The following TENM2 variants were observed in gnomAD, a reference collection of about 807,000 sequenced individuals.
TENM2 encodes teneurin transmembrane protein 2.
Under a neutral mutation model 245.2 loss-of-function variants are expected in TENM2, and 52 were observed. The ratio of observed to expected loss-of-function variants is 0.21; its 90% CI spans 0.17 to 0.27. The LOEUF is 0.27. Ranked by LOEUF, TENM2 falls within the 10% of genes least tolerant of loss-of-function variation. The pLI is 1.00. For synonymous variants in TENM2, 1,363 were observed against 1,438.9 expected, an observed-to-expected ratio of 0.95 and a Z score of 1.19; for missense variants, 3,046 against 3,666.8, an observed-to-expected ratio of 0.83 and a Z score of 4.37.
chr5:167,814,123 C>G (rs1323155314), intron 2 of TENM2, among the ~76,000 whole-genome samples: 1 of 152,130 alleles, frequency 6.6e-6, no homozygotes, highest in African/African-American at 2.4e-5. Context: ...AGGTCTTTGT[C>G]AGTCTCCAGG....
chr5:167,290,650 T>G (rs1482942487), intron 1 of TENM2, among the ~76,000 whole-genome samples: 2 of 152,094 alleles, frequency 1.3e-5, no homozygotes, highest in Non-Finnish European at 2.9e-5. Flanking sequence ...TTCCCAAAGA[T>G]GAACATAACT....
intron 13 of TENM2, among the ~76,000 whole-genome samples, chr5:168,168,696 A>G (rs1758531894): frequency 6.6e-6 from 1 of 151,986 alleles, no homozygotes; most frequent in Non-Finnish European, 1.5e-5. Context: ...AAAAAAAAAA[A>G]AAAAAGACAT....
chr5:168,023,021 G>A (rs1393626449), intron 5 of TENM2, among the ~76,000 whole-genome samples: 4 of 152,124 alleles, frequency 2.6e-5, no homozygotes, highest in African/African-American at 9.7e-5. Context: ...AGTTTGCTTG[G>A]CCACCACAGC....
At chr5:167,377,692 G>C (rs1204542277) in intron 2 of TENM2, among the ~76,000 whole-genome samples, 2 of 152,096 alleles carry the variant, frequency 1.3e-5, no homozygotes, top group Admixed American at 1.3e-4. Context: ...TAAACTTCTT[G>C]CTCTTTCTCT....
chr5:167,497,590 G>A (rs925040402), intron 2 of TENM2, among the ~76,000 whole-genome samples: 4 of 151,926 alleles, frequency 2.6e-5, no homozygotes, highest in African/African-American at 9.7e-5. Flanking sequence ...TCCAGGTTAG[G>A]TAATAACATT....
chr5:167,665,568 G>A, intron 2 of TENM2, among the ~76,000 whole-genome samples: 1 of 152,134 alleles, frequency 6.6e-6, no homozygotes, highest in East Asian at 1.9e-4. Context: ...TGTTGTGGGA[G>A]TGCTTCATAT....
At chr5:168,098,303 C>G (rs1460432154) in intron 9 of TENM2, among the ~76,000 whole-genome samples, 176 bp downstream of exon 11, 1 of 152,006 alleles carries the variant, frequency 6.6e-6, no homozygotes, top group African/African-American at 2.4e-5. Context: ...TGATTTATGA[C>G]CATTGGCCAA....
rs1016122296 is a variant in TENM2, at chr5:167,477,035, G to A, written c.502+101562G>A. On this transcript the variant is annotated intron_variant, in intron 2 of 28. Coordinates refer to ENST00000518659, the Ensembl canonical transcript of TENM2. ...ATAATGTTCCATAAAAAAAGTGATG[G>A]TTCAGCTCAGAACTAAAACAATCAT... Among the ~76,000 whole-genome samples, 29 of 152,118 alleles carry A rather than the reference G, an allele frequency of 1.9e-4. 1 individual carries two copies. The highest frequency in any genetic ancestry group is 6.5e-4 in the African/African-American group (27 of 41,406).
intron 2 of TENM2, among the ~76,000 whole-genome samples, chr5:167,706,884 A>G (rs985221953): frequency 6.6e-6 from 1 of 151,802 alleles, no homozygotes; most frequent in Non-Finnish European, 1.5e-5. Flanking sequence ...GCATGGTGGC[A>G]GGCGCCTGTA....
chr5:167,607,257 G>A (rs1582525376), intron 2 of TENM2, among the ~76,000 whole-genome samples: 2 of 152,124 alleles, frequency 1.3e-5, no homozygotes, highest in Non-Finnish European at 1.5e-5. Context: ...TCTCAGGACT[G>A]GGAAAACAGA....
intron 2 of TENM2, among the ~76,000 whole-genome samples, chr5:167,554,104 T>C (rs1016248461): frequency 6.6e-6 from 1 of 152,212 alleles, no homozygotes; most frequent in African/African-American, 2.4e-5. Flanking sequence ...TTGTCCAGAA[T>C]TCCCACCACA....
the TENM2 span, among the ~76,000 whole-genome samples, chr5:167,124,441 A>T: frequency 6.6e-6 from 1 of 152,230 alleles, no homozygotes; most frequent in Non-Finnish European, 1.5e-5. Context: ...GATATAAAAT[A>T]CAACCTTATA....
chr5:167,903,321 A>C (rs1403973900), intron 3 of TENM2, among the ~76,000 whole-genome samples: 1 of 152,096 alleles, frequency 6.6e-6, no homozygotes, highest in Non-Finnish European at 1.5e-5. Flanking sequence ...TTCTCTTCTA[A>C]AGTGAAATTT....
At chr5:167,690,924 TG>T in intron 2 of TENM2, among the ~76,000 whole-genome samples, 1 of 20,600 alleles carries the variant, frequency 4.9e-5, no homozygotes, top group Admixed American at 7.7e-4. Flanking sequence ...TATGCGAGTA[TG>T]TGTGTGTGTG....
At chr5:168,021,967 T>A (rs1786189460) in intron 5 of TENM2, among the ~76,000 whole-genome samples, 2 of 152,116 alleles carry the variant, frequency 1.3e-5, no homozygotes, top group Non-Finnish European at 2.9e-5. Context: ...CAATCCTACA[T>A]CACAAGATAC....
At chr5:167,053,941 G>C in the TENM2 span, among the ~76,000 whole-genome samples, 2 of 152,132 alleles carry the variant, frequency 1.3e-5, no homozygotes, top group Non-Finnish European at 2.9e-5. Flanking sequence ...AAAGGACAGA[G>C]AGTTCCCATA....
At chr5:167,181,466 T>TTG in the TENM2 span, among the ~76,000 whole-genome samples, 5,702 of 122,508 alleles carry the variant, frequency 0.047, 211 homozygotes, top group African/African-American at 0.097. Flanking sequence ...AGCCGCTCGT[T>TTG]TGTGTGTGTG....
the TENM2 span, among the ~76,000 whole-genome samples, chr5:166,997,464 G>T: frequency 6.6e-6 from 1 of 152,114 alleles, no homozygotes; most frequent in Non-Finnish European, 1.5e-5. Flanking sequence ...CATGACTCCA[G>T]AACGTTCCTC....
intron 2 of TENM2, among the ~76,000 whole-genome samples, chr5:167,867,185 A>T (rs939856501): frequency 1.3e-4 from 20 of 152,208 alleles, no homozygotes; most frequent in African/African-American, 4.8e-4. Context: ...TTGCAAGAGG[A>T]AGCTGCAAAG....
Sources: gnomAD v4.1 joint callset for allele counts (sites outside exome capture counted in the v4.1 genomes callset) on GRCh38, gnomAD v4.1.1 for gene constraint, MANE v1.5 for transcripts, NCBI Gene and HGNC (gene_info 2026-07-23, HGNC 2026-07-21) for gene names.